FMN2: variants seen among roughly 807,000 people sequenced by gnomAD.
FMN2 encodes the protein formin-2.
In FMN2, 51 loss-of-function variants were observed where a neutral mutation model predicts 142.3. The ratio of observed to expected loss-of-function variants is 0.36; its 90% CI spans 0.29 to 0.45. The LOEUF (loss-of-function observed/expected upper bound fraction) is 0.45, where lower values mean the gene tolerates loss of function less well. Among genes scored for constraint, FMN2 ranks in the 20% least tolerant of loss-of-function variants. The pLI, the probability that FMN2 is intolerant of heterozygous loss-of-function variation, is 1.00. For synonymous variants in FMN2, 882 were observed against 869.8 expected (o/e 1.01, Z -0.25); for missense variants, 1,936 against 2,122.8 (o/e 0.91, Z 1.73).
chr1:240,306,787 A>T (rs1240888826), intron 8 of FMN2, among the ~76,000 whole-genome samples: 1 of 152,198 alleles, frequency 6.6e-6, no homozygotes, highest in East Asian at 1.9e-4. Flanking sequence ...GCTGGATTGA[A>T]TGGTATTTCT....
chr1:240,471,202 C>T lies in FMN2; in HGVS notation c.5061-1170C>T, dbSNP rs117576510. On this transcript the variant is annotated intron_variant, in intron 16 of 17. Coordinates refer to ENST00000319653, the MANE Select transcript of FMN2 (RefSeq NM_020066.5). ...TAGAAACATTAAAATGTTATTACTG[C>T]TCACTCTCTTTTTTGTTATCAAATG... is the stretch of plus-strand genomic sequence containing the variant. Among the ~76,000 whole-genome samples the T allele has an allele frequency of 8.1e-4, 123 of 152,250 alleles. 3 individuals are homozygous for T. The East Asian group carries it at 0.021, about 27-fold the overall frequency.
intron 6 of FMN2, among the ~76,000 whole-genome samples, chr1:240,217,817 A>T (rs77902015): frequency 6.6e-6 from 1 of 152,088 alleles, no homozygotes; most frequent in Admixed American, 6.5e-5. Context: ...AAAAAAAAAA[A>T]CACGAATACA....
intron 6 of FMN2, among the ~76,000 whole-genome samples, chr1:240,256,751 AAAAC>A (rs112526403): frequency 2.6e-5 from 4 of 152,134 alleles, no homozygotes; most frequent in Admixed American, 6.5e-5. Flanking sequence ...ACTCCATCTC[AAAAC>A]AAACAAACAA....
intron 13 of FMN2, among the ~76,000 whole-genome samples, chr1:240,335,240 C>T (rs928899335): frequency 5.9e-5 from 9 of 152,124 alleles, no homozygotes; most frequent in African/African-American, 9.7e-5. Context: ...TTACAGTAAC[C>T]GCTGTTGAAG....
intron 6 of FMN2, among the ~76,000 whole-genome samples, chr1:240,237,918 G>C (rs576425034): frequency 6.6e-6 from 1 of 152,124 alleles, no homozygotes; most frequent in Non-Finnish European, 1.5e-5. Context: ...ATCCCAAATA[G>C]CATCTGATTC....
chr1:240,361,236 A>C (rs1383165077), intron 14 of FMN2, among the ~76,000 whole-genome samples: 1 of 149,820 alleles, frequency 6.7e-6, no homozygotes, highest in Non-Finnish European at 1.5e-5. Flanking sequence ...GGACACAAGC[A>C]AATTGGTAGT....
At chr1:240,331,841 A>G (rs1366649482) in intron 11 of FMN2, among the ~76,000 whole-genome samples, 1 of 152,140 alleles carries the variant, frequency 6.6e-6, no homozygotes, top group Non-Finnish European at 1.5e-5. Context: ...AAATCATCTA[A>G]CACAAAGCCT....
At chr1:240,166,340 C>G (rs995421419) in intron 2 of FMN2, among the ~76,000 whole-genome samples, 2 of 151,932 alleles carry the variant, frequency 1.3e-5, no homozygotes, top group African/African-American at 4.8e-5. Context: ...AGCGATTCTC[C>G]TGCTTGAACC....
At chr1:240,203,828 A>C (rs1394718961) in intron 4 of FMN2, among the ~76,000 whole-genome samples, 1 of 151,974 alleles carries the variant, frequency 6.6e-6, no homozygotes, top group Non-Finnish European at 1.5e-5. Context: ...ATTAAATAAT[A>C]AAAAAAGGTT....
chr1:240,332,362 C>T (rs1240092067), intron 11 of FMN2, among the ~76,000 whole-genome samples: 1 of 119,414 alleles, frequency 8.4e-6, no homozygotes, highest in East Asian at 2.3e-4. Context: ...CAGTGAGAGC[C>T]CTTCTCAAAA....
chr1:240,243,095 A>C lies in FMN2; in HGVS notation c.4066-14850A>C, dbSNP rs551956982. Among the ~76,000 whole-genome samples, 3 of 152,236 alleles carry C rather than the reference A, an allele frequency of 2.0e-5. No individual in the cohort carries two copies. The East Asian group carries it at 5.8e-4, about 29-fold the overall frequency. ...AGTAGGAGAATACGGTAGTGTAAGT[A>C]AGACTGCAGTCTTCCTTGGTTGCGG... is the stretch of plus-strand genomic sequence containing the variant. On this transcript the variant is annotated intron_variant, in intron 6 of 17. Coordinates refer to ENST00000319653, the MANE Select transcript of FMN2 (RefSeq NM_020066.5).
intron 6 of FMN2, among the ~76,000 whole-genome samples, chr1:240,219,719 A>T (rs1470803910): frequency 6.6e-6 from 1 of 151,794 alleles, no homozygotes; most frequent in Non-Finnish European, 1.5e-5. Flanking sequence ...CTGTGGTATG[A>T]TCATGGCTCA....
chr1:240,196,858 G>C (rs894111925), intron 4 of FMN2, among the ~76,000 whole-genome samples: 6 of 152,162 alleles, frequency 3.9e-5, no homozygotes, highest in Non-Finnish European at 8.8e-5. Context: ...ATGATCGAAA[G>C]ATGTTCCCAA....
At chr1:240,360,103 A>C (rs1672410536) in intron 14 of FMN2, among the ~76,000 whole-genome samples, 2 of 152,094 alleles carry the variant, frequency 1.3e-5, no homozygotes. Flanking sequence ...AAATTCATAA[A>C]CCCACTGACA....
At chr1:240,185,872 G>C (rs1665424565) in intron 3 of FMN2, among the ~76,000 whole-genome samples, 1 of 152,148 alleles carries the variant, frequency 6.6e-6, no homozygotes, top group Non-Finnish European at 1.5e-5. Flanking sequence ...TAGAAAATGA[G>C]AGCGTTCCGG....
rs148409637 is a variant in FMN2, at chr1:240,191,273, C to T, written c.1986+3011C>T. Among the ~76,000 whole-genome samples the T allele has an allele frequency of 1.4e-4, 22 of 152,300 alleles. No individual in the cohort carries two copies. The East Asian group carries it at 2.5e-3, about 17-fold the overall frequency. ...TCTGTAGTTAATAATTCTGAGAGTG[C>T]GATATCCCTAGAAAAAACACATGAC... On this transcript the variant is annotated intron_variant, in intron 4 of 17. Transcript: ENST00000319653.
At chr1:240,184,463 G>C (rs948265123) in intron 3 of FMN2, among the ~76,000 whole-genome samples, 1 of 149,838 alleles carries the variant, frequency 6.7e-6, no homozygotes, top group South Asian at 2.1e-4. Context: ...TGATCTGCCC[G>C]CCTCGGCCTC....
In FMN2 at chr1:240,346,959, T is replaced by A. The variant is rs565086500; in HGVS notation, c.4766-8857T>A. Among the ~76,000 whole-genome samples, 33 of 152,318 alleles carry A rather than the reference T, an allele frequency of 2.2e-4. No homozygotes were observed. The South Asian group carries it at 6.8e-3, about 32-fold the overall frequency. ...ATTTGGGAAAAACAATCTGAGAAAC[T>A]GGCATATTTTATGGTCAACAATTCA... is the stretch of plus-strand genomic sequence containing the variant. On this transcript the variant is annotated intron_variant, in intron 13 of 17. Coordinates refer to ENST00000319653, the MANE Select transcript of FMN2 (RefSeq NM_020066.5).
At chr1:240,378,683 A>G (rs769590216) in intron 14 of FMN2, among the ~76,000 whole-genome samples, 1 of 152,162 alleles carries the variant, frequency 6.6e-6, no homozygotes, top group Non-Finnish European at 1.5e-5. Context: ...GTTGGAATAG[A>G]TCCAAATTTT....
Sources: allele counts gnomAD v4.1 joint callset (sites outside exome capture counted in the v4.1 genomes callset), GRCh38; gene constraint gnomAD v4.1.1; transcripts MANE v1.5; gene names NCBI Gene and HGNC (gene_info 2026-07-23, HGNC 2026-07-21).